Variants in GPHN observed in about 807,000 individuals in gnomAD.
The protein encoded by GPHN is gephyrin.
GPHN carries 17 observed loss-of-function variants against 95.5 expected under a neutral mutation model. That is an observed-to-expected ratio of 0.18 (90% CI 0.12 to 0.27). The LOEUF is 0.27. GPHN is among the 10% of genes least tolerant of loss of function. The pLI, the probability that GPHN is intolerant of heterozygous loss-of-function variation, is 1.00. For synonymous variants in GPHN, 320 were observed against 322.5 expected, an observed-to-expected ratio of 0.99 and a Z score of 0.08; for missense variants, 660 against 978.1, an observed-to-expected ratio of 0.67 and a Z score of 4.34.
chr14:67,504,057 A>T, the GPHN span, among the ~76,000 whole-genome samples: 1 of 151,182 alleles, frequency 6.6e-6, no homozygotes, highest in Non-Finnish European at 1.5e-5. Flanking sequence ...TCTGTCACCC[A>T]GGCTGGAGTG....
At chr14:66,795,115 G>C (rs2060110285) in intron 3 of GPHN, among the ~76,000 whole-genome samples, 1 of 152,204 alleles carries the variant, frequency 6.6e-6, no homozygotes, top group Non-Finnish European at 1.5e-5. Context: ...TAGACAGATA[G>C]AGAGGCACAC....
intron 8 of GPHN, among the ~76,000 whole-genome samples, chr14:66,943,491 AG>A (rs1224785778): frequency 2.0e-4 from 30 of 152,214 alleles, no homozygotes; most frequent in African/African-American, 7.2e-4. Context: ...AAACCCAAAA[AG>A]CAGTTTATAA....
chr14:67,731,207 C>CTTTTTTTTTTTTTT, the GPHN span, among the ~76,000 whole-genome samples: 13 of 90,604 alleles, frequency 1.4e-4, no homozygotes, highest in Middle Eastern at 9.6e-3. Context: ...TTCTTTCTTT[C>CTTTTTTTTTTTTTT]TTTTTTTTTT....
intron 2 of GPHN, among the ~76,000 whole-genome samples, chr14:66,697,849 G>T (rs1318194281): frequency 1.3e-5 from 2 of 151,726 alleles, no homozygotes; most frequent in Non-Finnish European, 1.5e-5. Context: ...CACCACAGCT[G>T]GCTACTTTTT....
chr14:66,711,800 C>T (rs1364680208), intron 2 of GPHN, among the ~76,000 whole-genome samples: 1 of 146,734 alleles, frequency 6.8e-6, no homozygotes, highest in Non-Finnish European at 1.5e-5. Context: ...TCTGTGTGTT[C>T]TCGTTGTTCA....
At chr14:66,902,067 T>G (rs957989288) in intron 5 of GPHN, among the ~76,000 whole-genome samples, 1 of 152,078 alleles carries the variant, frequency 6.6e-6, no homozygotes, top group Non-Finnish European at 1.5e-5. Flanking sequence ...TTTATGGTTC[T>G]TCTTGTATAG....
chr14:66,806,150 T>G (rs2060532471), intron 3 of GPHN, among the ~76,000 whole-genome samples: 1 of 152,210 alleles, frequency 6.6e-6, no homozygotes, highest in Non-Finnish European at 1.5e-5. Flanking sequence ...TGCCAAAGCT[T>G]GAGGCTTGCA....
At chr14:67,356,155 C>G in the GPHN span, among the ~76,000 whole-genome samples, 1 of 152,066 alleles carries the variant, frequency 6.6e-6, no homozygotes, top group African/African-American at 2.4e-5. Flanking sequence ...TGCAGTGGCT[C>G]ACACCTGTAA....
chr14:67,177,500 A>T (rs1318959288), intron 21 of GPHN, among the ~76,000 whole-genome samples: 4 of 152,174 alleles, frequency 2.6e-5, no homozygotes, highest in African/African-American at 4.8e-5. Context: ...ACTTCCAATT[A>T]TGTGGTCAAT....
chr14:66,596,497 T>G lies in GPHN; in HGVS notation c.65-84610T>G, dbSNP rs541332062. 8.1e-4 allele frequency among the ~76,000 whole-genome samples: 123 copies of G among 152,264 alleles called. 5 individuals carry two copies. The highest frequency in any genetic ancestry group is 3.3e-4 in the Admixed American group (5 of 15,292). On this transcript the variant is annotated intron_variant, in intron 1 of 22. Transcript: ENST00000478722. ...AGCCACTCTTAGCCCCCTGTCAGCC[T>G]TTCTCCCATCCTCTTTGGTACCCAA...
the GPHN span, chr14:67,333,656 A>T: frequency 6.6e-6 from 1 of 152,596 alleles, no homozygotes; most frequent in Non-Finnish European, 1.5e-5. Flanking sequence ...AGGTATACAA[A>T]ATATGCTGAT....
chr14:66,637,598 GT>G (rs759800115), intron 1 of GPHN, among the ~76,000 whole-genome samples: 1 of 152,076 alleles, frequency 6.6e-6, no homozygotes, highest in Non-Finnish European at 1.5e-5. Context: ...TAGTATTATA[GT>G]TTGTGAGAAA....
chr14:67,462,717 A>T, the GPHN span, among the ~76,000 whole-genome samples: 1 of 152,228 alleles, frequency 6.6e-6, no homozygotes, highest in Non-Finnish European at 1.5e-5. Flanking sequence ...GCAAACTAAG[A>T]GGACAACAAA....
chr14:66,530,464 CT>C (rs746288906), intron 1 of GPHN, among the ~76,000 whole-genome samples: 6 of 151,976 alleles, frequency 3.9e-5, no homozygotes, highest in Non-Finnish European at 8.8e-5. Flanking sequence ...ATGGCTCTGT[CT>C]TGCTGGTGTT....
At chr14:67,318,910 T>C in the GPHN span, among the ~76,000 whole-genome samples, 1 of 151,922 alleles carries the variant, frequency 6.6e-6, no homozygotes, top group African/African-American at 2.4e-5. Context: ...TACAAAAAAT[T>C]AGCCAGGCGT....
the GPHN span, among the ~76,000 whole-genome samples, chr14:67,226,016 T>G: frequency 6.6e-6 from 1 of 150,536 alleles, no homozygotes; most frequent in African/African-American, 2.4e-5. Flanking sequence ...GAGTTCACAG[T>G]ATTGAAGGGG....
intron 8 of GPHN, among the ~76,000 whole-genome samples, chr14:66,935,011 T>C (rs1209016970): frequency 2.6e-5 from 4 of 152,084 alleles, no homozygotes; most frequent in African/African-American, 9.7e-5. Flanking sequence ...TTCAAGAGGA[T>C]AGAGGGTTGG....
intron 4 of GPHN, among the ~76,000 whole-genome samples, chr14:66,857,279 A>G (rs1416988496): frequency 2.0e-5 from 3 of 152,184 alleles, no homozygotes; most frequent in Non-Finnish European, 4.4e-5. Context: ...GATCAAAGAG[A>G]TAATGACTAT....
At chr14:66,694,198 A>G (rs2067975982) in intron 2 of GPHN, among the ~76,000 whole-genome samples, 1 of 152,120 alleles carries the variant, frequency 6.6e-6, no homozygotes, top group Non-Finnish European at 1.5e-5. Flanking sequence ...TAGTGTCCCT[A>G]ATAAAAGAGG....
Sources: allele counts gnomAD v4.1 joint callset (sites outside exome capture counted in the v4.1 genomes callset), GRCh38; gene constraint gnomAD v4.1.1; transcripts MANE v1.5; gene names NCBI Gene and HGNC (gene_info 2026-07-23, HGNC 2026-07-21).